Variants in PPFIBP1 observed in about 807,000 individuals in gnomAD.
PPFIBP1 encodes liprin-beta-1.
Under a neutral mutation model 137.8 loss-of-function variants are expected in PPFIBP1, and 112 were observed. The observed-to-expected ratio is 0.81, with a 90% CI of 0.70 to 0.95. The LOEUF is 0.95. Among genes scored for constraint, PPFIBP1 ranks in the 40% least tolerant of loss-of-function variants. PPFIBP1 has a pLI of 0.00. For synonymous variants in PPFIBP1, 378 were observed against 417.3 expected, an observed-to-expected ratio of 0.91 and a Z score of 1.15; for missense variants, 1,083 against 1,196.6, an observed-to-expected ratio of 0.91 and a Z score of 1.40.
intron 7 of PPFIBP1, 148 bp downstream of exon 7, chr12:27,650,289 A>G (rs2058797832): frequency 1.9e-6 from 1 of 529,262 alleles, no homozygotes. Flanking sequence ...ATCCTACTTC[A>G]TTTTAAGAAT....
At chr12:27,578,499 A>G (rs2050760585) in intron 2 of PPFIBP1, among the ~76,000 whole-genome samples, 1 of 151,378 alleles carries the variant, frequency 6.6e-6, no homozygotes, top group African/African-American at 2.5e-5. Context: ...ACTGAGAAGG[A>G]AGACACAGAC....
In PPFIBP1 at chr12:27,679,996, A is replaced by C; in HGVS notation, c.1830A>C (p.Arg610Ser). 2 of 1,614,146 alleles carry C rather than the reference A, an allele frequency of 1.2e-6. No homozygotes were observed. The highest frequency in any genetic ancestry group is 1.7e-6 in the Non-Finnish European group (2 of 1,180,002). The change falls in exon 21 of 30, where the codon AGA becomes AGC. Residue 610 changes from arginine to serine, a missense_variant. Arg to Ser is a moderately radical substitution (Grantham distance 110). Coordinates refer to ENST00000228425, the MANE Select transcript of PPFIBP1 (RefSeq NM_003622.4). ...PDDMSEPEFK[R>S]GGTRATAGPR... ...ACATGTCTGAGCCTGAATTCAAAAG[A>C]GGAGGGACAAGGGCAACCGCGGGGC...
intron 12 of PPFIBP1, among the ~76,000 whole-genome samples, chr12:27,666,865 A>G (rs1158438923): frequency 2.0e-5 from 3 of 152,170 alleles, no homozygotes; most frequent in Non-Finnish European, 4.4e-5. Context: ...GTTACAAGAG[A>G]GTTGTTGGAA....
chr12:27,560,143 C>T (rs1395259871), intron 1 of PPFIBP1, among the ~76,000 whole-genome samples: 2 of 152,152 alleles, frequency 1.3e-5, no homozygotes, highest in African/African-American at 2.4e-5. Context: ...ACTGCTTTTT[C>T]GTCTTTGAAA....
intron 4 of PPFIBP1, among the ~76,000 whole-genome samples, chr12:27,639,262 G>C (rs936488110): frequency 6.6e-6 from 1 of 152,084 alleles, no homozygotes; most frequent in South Asian, 2.1e-4. Context: ...ATTACTGAGG[G>C]TGAATTTTCT....
chr12:27,653,518 C>T (rs1043809466), intron 7 of PPFIBP1, among the ~76,000 whole-genome samples: 6 of 140,904 alleles, frequency 4.3e-5, no homozygotes, highest in South Asian at 2.3e-4. Flanking sequence ...ACCCTGGAGG[C>T]GAAGGTCGCG....
At chr12:27,601,796 C>T (rs757457368) in intron 2 of PPFIBP1, among the ~76,000 whole-genome samples, 3 of 152,334 alleles carry the variant, frequency 2.0e-5, no homozygotes, top group East Asian at 1.9e-4. Flanking sequence ...AACTTACAGA[C>T]TGAATTCTGC....
At chr12:27,657,515 G>A (rs1238958135) in intron 9 of PPFIBP1, among the ~76,000 whole-genome samples, 7 of 150,742 alleles carry the variant, frequency 4.6e-5, no homozygotes, top group Admixed American at 2.7e-4. Flanking sequence ...TCCAGTTAGC[G>A]TAGCTTTGTT....
rs952673157 is a variant in PPFIBP1 at position 27,531,177 on chromosome 12, T to A, written c.-124+6812T>A. 4.6e-5 allele frequency among the ~76,000 whole-genome samples: 7 copies of A among 152,230 alleles called. No individual in the cohort carries two copies. The South Asian group carries it at 1.4e-3, about 32-fold the overall frequency. On this transcript the variant is annotated intron_variant, in intron 1 of 29. Transcript: ENST00000228425. ...CTTGAATCCTGGCTTTGCTATTTAT[T>A]ACAGTCTAATATTGGCAAGTAACTT...
intron 2 of PPFIBP1, among the ~76,000 whole-genome samples, chr12:27,598,260 G>C (rs1419793519): frequency 6.6e-6 from 1 of 152,174 alleles, no homozygotes; most frequent in Non-Finnish European, 1.5e-5. Context: ...GGCTGGGAAG[G>C]CCTCAAAATC....
At chr12:27,572,885 A>AG (rs1229925603) in intron 1 of PPFIBP1, among the ~76,000 whole-genome samples, 2 of 152,148 alleles carry the variant, frequency 1.3e-5, no homozygotes, top group African/African-American at 2.4e-5. Flanking sequence ...TTATTGGCTA[A>AG]GGGCTATCAC....
At chr12:27,559,682 T>C (rs1396632925) in intron 1 of PPFIBP1, among the ~76,000 whole-genome samples, 2 of 152,202 alleles carry the variant, frequency 1.3e-5, no homozygotes, top group Non-Finnish European at 2.9e-5. Flanking sequence ...GATTTTACAA[T>C]TGGATCATAA....
chr12:27,628,197 A>G (rs1395527070), intron 2 of PPFIBP1, among the ~76,000 whole-genome samples: 3 of 151,696 alleles, frequency 2.0e-5, no homozygotes, highest in Non-Finnish European at 2.9e-5. Flanking sequence ...TTTTTTCTTT[A>G]CTTTTGAGAC....
chr12:27,613,254 C>A (rs867357364), intron 2 of PPFIBP1, among the ~76,000 whole-genome samples: 3 of 152,376 alleles, frequency 2.0e-5, no homozygotes, highest in African/African-American at 7.2e-5. Context: ...CCAGACCTTC[C>A]ATCTTCCATC....
chr12:27,548,294 G>A (rs1272274381), intron 1 of PPFIBP1: 2 of 152,232 alleles, frequency 1.3e-5, no homozygotes, highest in South Asian at 2.1e-4. Flanking sequence ...GCAAGTGAGT[G>A]AGGCACACAA....
At chr12:27,674,734 C>A (rs1180979048) in intron 17 of PPFIBP1, among the ~76,000 whole-genome samples, 1 of 151,974 alleles carries the variant, frequency 6.6e-6, no homozygotes, top group Non-Finnish European at 1.5e-5. Context: ...AGATTATACA[C>A]CCGGTGCCCA....
At chr12:27,562,038 A>T (rs2136409608) in intron 1 of PPFIBP1, among the ~76,000 whole-genome samples, 1 of 152,224 alleles carries the variant, frequency 6.6e-6, no homozygotes, top group South Asian at 2.1e-4. Context: ...ACAGAGTGGT[A>T]CCCTGTCTTA....
chr12:27,683,033 TG>T (rs1251151084), intron 24 of PPFIBP1, among the ~76,000 whole-genome samples: 1 of 152,226 alleles, frequency 6.6e-6, no homozygotes, highest in Non-Finnish European at 1.5e-5. Context: ...GTACATTTTA[TG>T]GTATGCAAAT....
intron 2 of PPFIBP1, among the ~76,000 whole-genome samples, chr12:27,617,574 G>T (rs570798121): frequency 6.6e-6 from 1 of 152,306 alleles, no homozygotes; most frequent in South Asian, 2.1e-4. Context: ...TTCCTTATAT[G>T]AAATGATGTA....
Sources: gnomAD v4.1 joint callset for allele counts (sites outside exome capture counted in the v4.1 genomes callset) on GRCh38, gnomAD v4.1.1 for gene constraint, MANE v1.5 for transcripts, NCBI Gene and HGNC (gene_info 2026-07-23, HGNC 2026-07-21) for gene names.